Variants in INPP4B observed in about 807,000 individuals in gnomAD.
The protein encoded by INPP4B is inositol polyphosphate-4-phosphatase type II B.
INPP4B carries 55 observed loss-of-function variants against 122.5 expected under a neutral mutation model. That is an observed-to-expected ratio of 0.45 (90% CI 0.36 to 0.56). The LOEUF is 0.56. Ranked by LOEUF, INPP4B falls within the 20% of genes least tolerant of loss-of-function variation. The pLI is 0.00. For synonymous variants in INPP4B, 403 were observed against 388.7 expected, an observed-to-expected ratio of 1.04 and a Z score of -0.43; for missense variants, 1,000 against 1,097.7, an observed-to-expected ratio of 0.91 and a Z score of 1.26.
At chr4:142,119,225 G>A (rs921035924) in intron 21 of INPP4B, among the ~76,000 whole-genome samples, 13 of 152,138 alleles carry the variant, frequency 8.5e-5, no homozygotes, top group African/African-American at 3.1e-4. Flanking sequence ...AACCATTGTG[G>A]AAGACAGTGT....
intron 2 of INPP4B, among the ~76,000 whole-genome samples, chr4:142,540,159 GA>G (rs1828769242): frequency 6.6e-6 from 1 of 151,904 alleles, no homozygotes; most frequent in Admixed American, 6.6e-5. Context: ...TTGAAGATCA[GA>G]AAAAAACACT....
rs1175727015 is a variant in INPP4B, at chr4:142,720,761, ATCTCTCTCTCTCTCTCTCTC to A, written c.-191+5058_-191+5077del. Among the ~76,000 whole-genome samples, 107 of 37,582 alleles carry A rather than the reference ATCTCTCTCTCTCTCTCTCTC, an allele frequency of 2.8e-3. 10 individuals carry two copies. The highest frequency in any genetic ancestry group is 0.011 in the African/African-American group (104 of 9,846). The allele number at this position is 37,582 out of a possible 152,430, so 24.7% of individuals were successfully genotyped here. A position where few individuals can be genotyped will look rare whatever the true frequency, so the allele number is the denominator to read the frequency against. ...ATATATATATATACATATATATATA[ATCTCTCTCTCTCTCTCTCTC>A]TCTCTCTCTCTCTCTCTCTCTCTCT... is the stretch of plus-strand genomic sequence containing the variant. On this transcript the variant is annotated intron_variant, in intron 2 of 25. Coordinates refer to ENST00000262992, the MANE Select transcript of INPP4B (RefSeq NM_001101669.3).
At chr4:142,285,148 T>C (rs1752943461) in intron 9 of INPP4B, among the ~76,000 whole-genome samples, 1 of 151,876 alleles carries the variant, frequency 6.6e-6, no homozygotes, top group East Asian at 2.0e-4. Context: ...ATGCTTAAAA[T>C]TGAGACTCTG....
chr4:142,544,157 G>GTGTGTGTGTGTGTGTA (rs1829282256), intron 2 of INPP4B, among the ~76,000 whole-genome samples: 1 of 151,626 alleles, frequency 6.6e-6, no homozygotes, highest in African/African-American at 2.4e-5. Flanking sequence ...GTGTGTGTGT[G>GTGTGTGTGTGTGTGTA]TAGGAACATA....
intron 2 of INPP4B, among the ~76,000 whole-genome samples, chr4:142,685,916 A>T (rs1029760430): frequency 6.6e-6 from 1 of 152,118 alleles, no homozygotes; most frequent in African/African-American, 2.4e-5. Context: ...GAGTACATAA[A>T]CTATAAATAA....
At chr4:142,578,010 T>G (rs1044954886) in intron 2 of INPP4B, among the ~76,000 whole-genome samples, 1 of 151,982 alleles carries the variant, frequency 6.6e-6, no homozygotes, top group African/African-American at 2.4e-5. Flanking sequence ...CAATTTCTGT[T>G]GGTTGGAAGA....
chr4:142,467,835 C>T (rs72946826), intron 2 of INPP4B: 7,285 of 152,116 alleles, frequency 0.048, 189 homozygotes, highest in South Asian at 0.08. Context: ...GAAGAGGATC[C>T]GTCATGAATG....
chr4:142,492,048 C>T (rs960264626), intron 2 of INPP4B, among the ~76,000 whole-genome samples: 3 of 151,982 alleles, frequency 2.0e-5, no homozygotes, highest in Non-Finnish European at 2.9e-5. Flanking sequence ...AGCAGTTAAT[C>T]CCATGCTGTT....
chr4:142,440,897 T>C (rs1811561714), intron 3 of INPP4B, among the ~76,000 whole-genome samples: 1 of 152,218 alleles, frequency 6.6e-6, no homozygotes, highest in African/African-American at 2.4e-5. Context: ...TCTACTCATT[T>C]AGCAAAAATG....
At chr4:142,781,738 C>T (rs919505451) in intron 1 of INPP4B, among the ~76,000 whole-genome samples, 19 of 152,024 alleles carry the variant, frequency 1.2e-4, no homozygotes, top group Admixed American at 2.6e-4. Flanking sequence ...TACATCTTCA[C>T]GTAAGGTGTG....
At chr4:142,631,900 G>A (rs1437140114) in intron 2 of INPP4B, among the ~76,000 whole-genome samples, 3 of 152,078 alleles carry the variant, frequency 2.0e-5, no homozygotes, top group Admixed American at 2.0e-4. Context: ...ACATATTGAG[G>A]GAACTTACAG....
At chr4:142,287,311 G>A (rs1313764971) in intron 9 of INPP4B, 1 of 152,156 alleles carries the variant, frequency 6.6e-6, no homozygotes, top group Non-Finnish European at 1.5e-5. Context: ...GTCCCAAAAA[G>A]TTTATTTTAA....
chr4:142,800,496 A>G (rs1777865727), intron 1 of INPP4B, among the ~76,000 whole-genome samples: 1 of 152,200 alleles, frequency 6.6e-6, no homozygotes, highest in African/African-American at 2.4e-5. Flanking sequence ...TGTATGATCA[A>G]ATGGAAATTG....
intron 7 of INPP4B, among the ~76,000 whole-genome samples, chr4:142,340,486 T>C (rs903882651): frequency 2.6e-5 from 4 of 152,122 alleles, no homozygotes; most frequent in Non-Finnish European, 4.4e-5. Flanking sequence ...TGGCTCATTT[T>C]TGCCTCCAAC....
chr4:142,699,667 T>C (rs1399718687), intron 2 of INPP4B, among the ~76,000 whole-genome samples: 1 of 152,200 alleles, frequency 6.6e-6, no homozygotes, highest in Non-Finnish European at 1.5e-5. Flanking sequence ...ATTAAACATC[T>C]GACACCCCCT....
At chr4:142,491,066 C>G (rs951545459) in intron 2 of INPP4B, among the ~76,000 whole-genome samples, 2 of 152,060 alleles carry the variant, frequency 1.3e-5, no homozygotes, top group Non-Finnish European at 2.9e-5. Context: ...ATTTCAAACA[C>G]TTTAGATATA....
At chr4:142,553,684 A>G (rs765147664) in intron 2 of INPP4B, among the ~76,000 whole-genome samples, 1 of 152,150 alleles carries the variant, frequency 6.6e-6, no homozygotes, top group Non-Finnish European at 1.5e-5. Flanking sequence ...TTGATAATGT[A>G]ACTTGTATTG....
intron 2 of INPP4B, among the ~76,000 whole-genome samples, chr4:142,567,940 C>T (rs1363613630): frequency 1.3e-5 from 2 of 152,120 alleles, no homozygotes; most frequent in Non-Finnish European, 2.9e-5. Context: ...TTGCTTGGCT[C>T]AAACAATCAT....
chr4:142,298,552 G>A (rs1024840968), intron 9 of INPP4B, among the ~76,000 whole-genome samples: 1 of 151,846 alleles, frequency 6.6e-6, no homozygotes, highest in African/African-American at 2.4e-5. Flanking sequence ...AGGCATGATG[G>A]TGGGCGCCTA....
Sources: gnomAD v4.1 joint callset for allele counts (sites outside exome capture counted in the v4.1 genomes callset) on GRCh38, gnomAD v4.1.1 for gene constraint, MANE v1.5 for transcripts, NCBI Gene and HGNC (gene_info 2026-07-23, HGNC 2026-07-21) for gene names.